Variants in ATP10B observed in about 807,000 individuals in gnomAD.
ATP10B encodes the protein phospholipid-transporting ATPase VB.
In ATP10B, 122 loss-of-function variants were observed where a neutral mutation model predicts 141.2. The ratio of observed to expected loss-of-function variants is 0.86; its 90% CI spans 0.75 to 1.00. ATP10B has a LOEUF of 1.00. Among genes scored for constraint, ATP10B ranks in the 50% least tolerant of loss-of-function variants. The pLI is 0.00. For synonymous variants in ATP10B, 685 were observed against 692.0 expected (o/e 0.99, Z 0.16); for missense variants, 1,876 against 1,825.3 (o/e 1.03, Z -0.51).
chr5:160,654,607 A>G (rs944856279), intron 7 of ATP10B, among the ~76,000 whole-genome samples: 2 of 152,214 alleles, frequency 1.3e-5, no homozygotes, highest in African/African-American at 4.8e-5. Flanking sequence ...AGGTTTGGAC[A>G]GACATGCAGA....
chr5:160,727,600 A>G (rs1766447182), intron 2 of ATP10B, among the ~76,000 whole-genome samples: 1 of 152,060 alleles, frequency 6.6e-6, no homozygotes, highest in East Asian at 1.9e-4. Context: ...TAGTTTAACA[A>G]TGTTTTTTTA....
At chr5:160,788,707 A>G (rs1055086994) in intron 1 of ATP10B, among the ~76,000 whole-genome samples, 1 of 152,098 alleles carries the variant, frequency 6.6e-6, no homozygotes, top group Non-Finnish European at 1.5e-5. Flanking sequence ...CTTCTCCTTT[A>G]TCACCATCCA....
intron 2 of ATP10B, among the ~76,000 whole-genome samples, chr5:160,744,849 T>C (rs776924404): frequency 3.8e-4 from 58 of 152,228 alleles, no homozygotes; most frequent in Non-Finnish European, 7.5e-4. Context: ...TTACAGGCTG[T>C]GAGACACGAA....
chr5:160,916,273 GA>G, the ATP10B span, among the ~76,000 whole-genome samples: 2 of 152,216 alleles, frequency 1.3e-5, no homozygotes, highest in East Asian at 3.8e-4. Flanking sequence ...TGAGAATCAG[GA>G]AGCCTGGGCT....
intron 24 of ATP10B, among the ~76,000 whole-genome samples, chr5:160,574,970 G>C (rs1019665897): frequency 3.9e-5 from 6 of 152,028 alleles, no homozygotes; most frequent in Non-Finnish European, 2.9e-5. Context: ...CCAGTCTCAG[G>C]TGTTCTGTTG....
chr5:160,697,206 A>G (rs767674300), intron 3 of ATP10B, among the ~76,000 whole-genome samples: 4 of 152,220 alleles, frequency 2.6e-5, no homozygotes, highest in Non-Finnish European at 5.9e-5. Context: ...TTGCAGACAA[A>G]TATGCCAGAA....
chr5:160,675,589 G>T (rs1309664758), intron 6 of ATP10B, among the ~76,000 whole-genome samples: 1 of 152,144 alleles, frequency 6.6e-6, no homozygotes, highest in Non-Finnish European at 1.5e-5. Context: ...TTAACTTGTG[G>T]AACTTCCCAT....
chr5:160,740,865 A>T (rs1767418760), intron 2 of ATP10B, among the ~76,000 whole-genome samples: 1 of 152,024 alleles, frequency 6.6e-6, no homozygotes, highest in Non-Finnish European at 1.5e-5. Flanking sequence ...TCCATCCCCA[A>T]CCTATTGTCA....
chr5:160,854,234 G>A (rs185141112), upstream of ATP10B, among the ~76,000 whole-genome samples: 365 of 152,122 alleles, frequency 2.4e-3, 1 homozygote, highest in Non-Finnish European at 4.0e-3. Flanking sequence ...AGAACATGCA[G>A]GTTACATAGG....
At chr5:160,686,940 T>C (rs1027316587) in intron 5 of ATP10B, 1 of 985,230 alleles carries the variant, frequency 1.0e-6, no homozygotes, top group South Asian at 4.7e-5. Context: ...ATACATTATC[T>C]CAAAAGAGTT....
chr5:160,767,988 TCA>T (rs1317379335), intron 2 of ATP10B, among the ~76,000 whole-genome samples: 1 of 152,144 alleles, frequency 6.6e-6, no homozygotes, highest in Non-Finnish European at 1.5e-5. Context: ...TCAGTATTTC[TCA>T]GTCTTTCAGG....
intron 3 of ATP10B, among the ~76,000 whole-genome samples, chr5:160,694,526 C>T (rs1013801819): frequency 3.3e-5 from 5 of 152,184 alleles, no homozygotes; most frequent in Non-Finnish European, 7.4e-5. Flanking sequence ...GGACCTTTAG[C>T]CTAACAAGCT....
intron 2 of ATP10B, among the ~76,000 whole-genome samples, chr5:160,733,409 A>G (rs1766872170): frequency 6.6e-6 from 1 of 152,148 alleles, no homozygotes; most frequent in Non-Finnish European, 1.5e-5. Flanking sequence ...TAATGACACA[A>G]AACTTCCCAA....
Position 160,620,755 on chromosome 5 carries a change from T to C in ATP10B, c.2008A>G (p.Ser670Gly), listed in dbSNP as rs1346244533. The C allele has an allele frequency of 1.2e-6, 2 of 1,614,240 alleles. No individual in the cohort carries two copies. The highest frequency in any genetic ancestry group is 4.5e-5 in the East Asian group (2 of 44,886). The change falls in exon 15 of 26, where the codon AGT (serine) becomes GGT (glycine). Residue 670 changes from serine (S) to glycine (G), a missense_variant. Physicochemically the swap from Ser to Gly is moderately conservative, Grantham distance 56. Transcript: ENST00000327245. ...SDERDDASVC[S>G]GGDSTDDGGY... ...CCGTCATCAGTGGAGTCACCTCCAC[T>C]GCACACAGATGCATCATCTCTCTCA...
At chr5:160,579,352 G>A (rs767673945) in intron 24 of ATP10B, among the ~76,000 whole-genome samples, 2 of 152,176 alleles carry the variant, frequency 1.3e-5, no homozygotes, top group African/African-American at 2.4e-5. Context: ...TGTATAAGGT[G>A]TAAGGAAGGG....
chr5:160,890,813 C>T, the ATP10B span, among the ~76,000 whole-genome samples: 6 of 152,138 alleles, frequency 3.9e-5, no homozygotes, highest in African/African-American at 1.4e-4. Flanking sequence ...CTCCTGAGTA[C>T]AAGTGATCTT....
chr5:160,600,167 C>T (rs1039285129), intron 21 of ATP10B, among the ~76,000 whole-genome samples: 8 of 152,156 alleles, frequency 5.3e-5, no homozygotes, highest in African/African-American at 1.9e-4. Context: ...TATAGTAGTA[C>T]TACGTTATTG....
chr5:160,808,748 C>T (rs1164012697), intron 1 of ATP10B, among the ~76,000 whole-genome samples: 1 of 152,166 alleles, frequency 6.6e-6, no homozygotes, highest in Non-Finnish European at 1.5e-5. Context: ...TAATACACTG[C>T]CTCATTTCTT....
chr5:160,597,081 T>C (rs1002439166), intron 22 of ATP10B, among the ~76,000 whole-genome samples: 21 of 152,018 alleles, frequency 1.4e-4, no homozygotes, highest in Non-Finnish European at 2.9e-4. Context: ...GAGCCCGCAT[T>C]GCCAAGTCAA....
Sources: allele counts gnomAD v4.1 joint callset (sites outside exome capture counted in the v4.1 genomes callset), GRCh38; gene constraint gnomAD v4.1.1; transcripts MANE v1.5; gene names NCBI Gene and HGNC (gene_info 2026-07-23, HGNC 2026-07-21).